PALS2: variants seen among roughly 807,000 people sequenced by gnomAD.
PALS2 encodes the protein protein PALS2.
A neutral mutation model predicts 61.6 loss-of-function variants in PALS2; 27 were observed. That is an observed-to-expected ratio of 0.44 (90% CI 0.32 to 0.60). The LOEUF (loss-of-function observed/expected upper bound fraction) is 0.60. PALS2 is among the 20% of genes least tolerant of loss of function. The pLI is 0.05. For missense variants in PALS2, 554 were observed against 639.4 expected (o/e 0.87, Z 1.44); for synonymous variants, 236 against 218.6 (o/e 1.08, Z -0.70).
At chr7:24,686,952 G>A (rs1788235243) in intron 11 of PALS2, among the ~76,000 whole-genome samples, 1 of 152,196 alleles carries the variant, frequency 6.6e-6, no homozygotes, top group Non-Finnish European at 1.5e-5. Context: ...TGGGCAGCAT[G>A]TAAGGTTAAT....
chr7:24,641,157 C>A (rs918936154), intron 2 of PALS2, among the ~76,000 whole-genome samples: 1 of 151,734 alleles, frequency 6.6e-6, no homozygotes, highest in Non-Finnish European at 1.5e-5. Flanking sequence ...ATTATATAGT[C>A]TTTTAAAATC....
At chr7:24,606,712 G>A (rs1023880800) in intron 1 of PALS2, among the ~76,000 whole-genome samples, 2 of 151,940 alleles carry the variant, frequency 1.3e-5, no homozygotes, top group African/African-American at 4.8e-5. Context: ...CAAAGTTCTA[G>A]GATTATAGGA....
At chr7:24,661,447 G>C (rs1786715858) in intron 5 of PALS2, among the ~76,000 whole-genome samples, 1 of 152,084 alleles carries the variant, frequency 6.6e-6, no homozygotes, top group South Asian at 2.1e-4. Flanking sequence ...ATGAATATTT[G>C]AAATTTGGAC....
chr7:24,624,037 T>C (rs1368611576), intron 2 of PALS2: 1 of 1,294,638 alleles, frequency 7.7e-7, no homozygotes, highest in Admixed American at 2.2e-5. Context: ...AGAGAAATCA[T>C]ACCTGCACAG....
intron 9 of PALS2, among the ~76,000 whole-genome samples, chr7:24,673,835 ACTCT>A (rs1356685242): frequency 6.7e-6 from 1 of 148,514 alleles, no homozygotes. Flanking sequence ...GGTTTATTTT[ACTCT>A]CTGTTTTTTT....
chr7:24,592,701 TA>T (rs1783344046), intron 1 of PALS2, among the ~76,000 whole-genome samples: 1 of 152,144 alleles, frequency 6.6e-6, no homozygotes, highest in Non-Finnish European at 1.5e-5. Context: ...CCAGTGCATG[TA>T]AAAGTATGAT....
chr7:24,643,121 G>T (rs1311797294), intron 3 of PALS2, among the ~76,000 whole-genome samples: 1 of 152,128 alleles, frequency 6.6e-6, no homozygotes, highest in Non-Finnish European at 1.5e-5. Context: ...CACAATTTAT[G>T]ACTTAAACGA....
At chr7:24,576,264 G>C (rs893658736) in intron 1 of PALS2, among the ~76,000 whole-genome samples, 4 of 152,078 alleles carry the variant, frequency 2.6e-5, no homozygotes, top group African/African-American at 9.7e-5. Context: ...TTGTTGTAGG[G>C]ACCAGTTTTG....
At chr7:24,606,139 G>A (rs1007998595) in intron 1 of PALS2, among the ~76,000 whole-genome samples, 2 of 152,044 alleles carry the variant, frequency 1.3e-5, no homozygotes, top group East Asian at 3.8e-4. Flanking sequence ...ACTTTAACAG[G>A]TGCATTTCAA....
At chr7:24,580,750 G>A (rs1238117051) in intron 1 of PALS2, among the ~76,000 whole-genome samples, 1 of 152,192 alleles carries the variant, frequency 6.6e-6, no homozygotes, top group Non-Finnish European at 1.5e-5. Context: ...AATATACCCA[G>A]TTTTACTAGT....
intron 1 of PALS2, among the ~76,000 whole-genome samples, chr7:24,599,220 A>C (rs1358873275): frequency 6.6e-6 from 1 of 152,180 alleles, no homozygotes; most frequent in African/African-American, 2.4e-5. Flanking sequence ...AACCTGTATA[A>C]CATTTTACAC....
chr7:24,637,923 A>G (rs1330472660), intron 2 of PALS2, among the ~76,000 whole-genome samples: 1 of 152,184 alleles, frequency 6.6e-6, no homozygotes, highest in Non-Finnish European at 1.5e-5. Flanking sequence ...ATATATTTTT[A>G]TTGAGTTATG....
At chr7:24,651,936 G>A (rs920141685) in intron 5 of PALS2, among the ~76,000 whole-genome samples, 5 of 152,160 alleles carry the variant, frequency 3.3e-5, no homozygotes, top group African/African-American at 1.2e-4. Context: ...ATATTAGCAT[G>A]TAAATTGAAC....
chr7:24,692,916 G>A lies in PALS2; in HGVS notation c.*5302G>A, dbSNP rs1016827377. On this transcript the variant is annotated 3_prime_UTR_variant, in exon 12 of 12. Transcript: ENST00000222644. ...TTCTTTATAGAAAGAAACATTCACA[G>A]TGAGGTCTTAGTTTGTGAACCTCAA... 1 of 152,140 alleles carries A rather than the reference G, an allele frequency of 6.6e-6. No homozygotes were observed. The allele number at this position is 152,140 out of a possible 1,614,324, so 9.4% of individuals were successfully genotyped here.
intron 1 of PALS2, among the ~76,000 whole-genome samples, chr7:24,601,852 G>A (rs1205833370): frequency 1.3e-5 from 2 of 151,960 alleles, no homozygotes; most frequent in Admixed American, 1.3e-4. Flanking sequence ...TTCTTGACAC[G>A]TGATTTTTTT....
intron 9 of PALS2, among the ~76,000 whole-genome samples, chr7:24,670,264 TTA>T (rs139682792): frequency 0.063 from 9,602 of 152,138 alleles, 353 homozygotes; most frequent in African/African-American, 0.093. Flanking sequence ...CTACCTGATT[TTA>T]TATATATATG....
At position 24,638,331 on chromosome 7, in the gene PALS2, T is replaced by TTTTTTTTTTTTTTTTTC; in HGVS notation, c.118-3369_118-3368insCTTTTTTTTTTTTTTTT. Among the ~76,000 whole-genome samples, 2 of 10,572 alleles carry TTTTTTTTTTTTTTTTTC rather than the reference T, an allele frequency of 1.9e-4. 1 individual carries two copies. The highest frequency in any genetic ancestry group is 0.01 in the South Asian group (2 of 200). The allele number at this position is 10,572 out of a possible 152,430, so 6.9% of individuals were successfully genotyped here. A position where few individuals can be genotyped will look rare whatever the true frequency, so the allele number is the denominator to read the frequency against. On this transcript the variant is annotated intron_variant, in intron 2 of 11. Transcript: ENST00000222644. ...TCAATTTCTGTATTTTCTTTTTTTT[T>TTTTTTTTTTTTTTTTTC]TTTTTTTTTTTTTTTTTGAGACGGA...
chr7:24,609,027 A>G (rs1362602745), intron 1 of PALS2, among the ~76,000 whole-genome samples: 5 of 152,160 alleles, frequency 3.3e-5, no homozygotes, highest in African/African-American at 1.2e-4. Flanking sequence ...AGCTTCTCAC[A>G]TATCTCTCAG....
chr7:24,644,269 C>T (rs888199455), intron 3 of PALS2, among the ~76,000 whole-genome samples: 1 of 152,010 alleles, frequency 6.6e-6, no homozygotes, highest in African/African-American at 2.4e-5. Context: ...ACCCTCCCCA[C>T]TCAGGTAGAC....
Sources: allele counts gnomAD v4.1 joint callset (sites outside exome capture counted in the v4.1 genomes callset), GRCh38; gene constraint gnomAD v4.1.1; transcripts MANE v1.5; gene names NCBI Gene and HGNC (gene_info 2026-07-23, HGNC 2026-07-21).